The following SLC7A2 variants were observed in gnomAD, a reference collection of about 807,000 sequenced individuals.
The protein encoded by SLC7A2 is cationic amino acid transporter 2.
In SLC7A2, 48 loss-of-function variants were observed where a neutral mutation model predicts 58.9. The observed-to-expected ratio is 0.82, with a 90% CI of 0.65 to 1.04. The LOEUF (loss-of-function observed/expected upper bound fraction) is 1.04. Among genes scored for constraint, SLC7A2 ranks in the 50% least tolerant of loss-of-function variants. The probability of loss-of-function intolerance (pLI) is 0.00; values close to 1 mark genes in which losing one functional copy is unlikely to be tolerated. For synonymous variants in SLC7A2, 363 were observed against 314.5 expected (o/e 1.15, Z -1.63); for missense variants, 1,029 against 818.8 (o/e 1.26, Z -3.13).
chr8:17,507,064 C>G (rs1563433396), intron 2 of SLC7A2, among the ~76,000 whole-genome samples: 1 of 151,908 alleles, frequency 6.6e-6, no homozygotes, highest in Non-Finnish European at 1.5e-5. Flanking sequence ...CCTGCCTCAG[C>G]CTCCCAGGTA....
chr8:17,559,158 G>C (rs1212133306), intron 9 of SLC7A2, among the ~76,000 whole-genome samples: 1 of 152,172 alleles, frequency 6.6e-6, no homozygotes, highest in African/African-American at 2.4e-5. Flanking sequence ...AGGCTGCCAA[G>C]AAGGAGAAGA....
At chr8:17,554,960 T>C in intron 8 of SLC7A2, 9 of 1,614,086 alleles carry the variant, frequency 5.6e-6, no homozygotes, top group Non-Finnish European at 6.8e-6. Context: ...CTGGGCTCTA[T>C]GTTTCCTTTA....
intron 2 of SLC7A2, among the ~76,000 whole-genome samples, chr8:17,517,990 G>T (rs2150681740): frequency 6.6e-6 from 1 of 152,208 alleles, no homozygotes; most frequent in South Asian, 2.1e-4. Flanking sequence ...GTTTCATCAT[G>T]CAAAGATAGG....
rs1265046623 is a variant in SLC7A2 at position 17,565,962 on chromosome 8, A to G, written c.*816A>G. The G allele has an allele frequency of 2.0e-5, 3 of 152,340 alleles. No individual in the cohort carries two copies. The highest frequency in any genetic ancestry group is 3.9e-4 in the East Asian group (2 of 5,174). The allele number at this position is 152,340 out of a possible 1,614,324, so 9.4% of individuals were successfully genotyped here. ...AGGGACTTAAGAGAGGCACTGTGAT[A>G]TACTTGGGACCCTTTAAATTAAAAA... On this transcript the variant is annotated 3_prime_UTR_variant, in exon 13 of 13. Transcript: ENST00000494857.
intron 4 of SLC7A2, among the ~76,000 whole-genome samples, chr8:17,545,210 C>T (rs1253563396): frequency 6.6e-6 from 1 of 152,060 alleles, no homozygotes; most frequent in Non-Finnish European, 1.5e-5. Flanking sequence ...GCCACTCACT[C>T]TGCTTTAGAA....
intron 2 of SLC7A2, among the ~76,000 whole-genome samples, chr8:17,542,507 C>T (rs28615154): frequency 0.037 from 5,596 of 152,072 alleles, 159 homozygotes; most frequent in African/African-American, 0.072. Flanking sequence ...AGAAGTTACC[C>T]GAGCGTGGTG....
rs553948752 is a variant in SLC7A2, at chr8:17,545,974, A to G, written c.532+1368A>G. Among the ~76,000 whole-genome samples the G allele has an allele frequency of 5.3e-5, 8 of 152,354 alleles. No homozygotes were observed. In the East Asian group the frequency reaches 7.7e-4, roughly 15 times the overall value. On this transcript the variant is annotated intron_variant, in intron 4 of 12. Coordinates refer to ENST00000494857, the MANE Select transcript of SLC7A2 (RefSeq NM_001370338.1). ...GTGAGTCATTAATCAAATGTTTTAC[A>G]TACGGATAGGGATAAGAACATGAAC...
rs13259978 is a variant in SLC7A2, at chr8:17,538,906, G to C, written c.-22-4412G>C. On this transcript the variant is annotated intron_variant, in intron 2 of 12. Coordinates refer to ENST00000494857, the MANE Select transcript of SLC7A2 (RefSeq NM_001370338.1). ...TGGAACACCTGCCCCACCGGTTTGC[G>C]ACAGCAAGTTTCTCCTGTAAGATTT... 338,978 of 1,606,984 alleles carry C rather than the reference G, an allele frequency of 0.21. 37,478 individuals are homozygous for C. The highest frequency in any genetic ancestry group is 0.29 in the African/African-American group (21,614 of 74,824).
intron 1 of SLC7A2, among the ~76,000 whole-genome samples, chr8:17,499,717 T>TTAA (rs1800080748): frequency 6.6e-6 from 1 of 152,050 alleles, no homozygotes; most frequent in Non-Finnish European, 1.5e-5. Context: ...AAAAACTTAG[T>TTAA]TAACTAAGAT....
chr8:17,543,451 G>C lies in SLC7A2; in HGVS notation c.112G>C (p.Asp38His), dbSNP rs368582860. ...TKLCRCLSTM[D>H]LIALGVGSTL... The stretch of plus-strand genomic sequence containing the variant: ...ATTATGCCGCTGCTTATCCACCATG[G>C]ACCTCATTGCCCTGGGCGTTGGAAG... The change falls in exon 3 of 13, where the codon GAC (aspartate) becomes CAC (histidine). Residue 38 changes from aspartate to histidine, a missense_variant. By Grantham distance (81) the Asp-to-His change is moderately conservative (BLOSUM62 -1). Coordinates refer to ENST00000494857, the MANE Select transcript of SLC7A2 (RefSeq NM_001370338.1). The C allele has an allele frequency of 6.2e-7, 1 of 1,614,150 alleles. No individual in the cohort carries two copies. The highest frequency in any genetic ancestry group is 1.7e-5 in the Admixed American group (1 of 60,006).
At position 17,551,608 on chromosome 8, in the gene SLC7A2, A is replaced by T. The variant is rs116414633; in HGVS notation, c.833-156A>T. ...GCAAGACTCTGTCTCAAAAATAAGT[A>T]AAATAAAATGAAATAAAATAGATGG... On this transcript the variant is annotated intron_variant, in intron 6 of 12. Transcript: ENST00000494857. Among the ~76,000 whole-genome samples the T allele has an allele frequency of 5.6e-3, 852 of 152,278 alleles. 8 individuals carry two copies. Among genetic ancestry groups the T allele is most frequent in the African/African-American group, 0.02 (820 of 41,562 alleles).
intron 4 of SLC7A2, among the ~76,000 whole-genome samples, chr8:17,546,401 C>G (rs185587648): frequency 1.3e-5 from 2 of 152,276 alleles, no homozygotes; most frequent in African/African-American, 4.8e-5. Context: ...CTATTCATAT[C>G]GTAACACCAA....
intron 2 of SLC7A2, among the ~76,000 whole-genome samples, chr8:17,524,723 A>G (rs1331065009): frequency 6.6e-6 from 1 of 152,100 alleles, no homozygotes; most frequent in African/African-American, 2.4e-5. Flanking sequence ...TGCTCGGGTG[A>G]TGGGTGCACC....
chr8:17,504,876 G>T (rs1439278177), intron 2 of SLC7A2, among the ~76,000 whole-genome samples: 1 of 152,132 alleles, frequency 6.6e-6, no homozygotes, highest in African/African-American at 2.4e-5. Flanking sequence ...AAAGGCATTT[G>T]CATGAATGGT....
chr8:17,535,827 C>T (rs889771270), intron 2 of SLC7A2, among the ~76,000 whole-genome samples: 15 of 152,044 alleles, frequency 9.9e-5, no homozygotes, highest in Non-Finnish European at 2.1e-4. Flanking sequence ...CGCTTGAACC[C>T]GGGAGGCGGA....
chr8:17,498,525 C>G (rs1303680139), intron 1 of SLC7A2: 1 of 152,170 alleles, frequency 6.6e-6, no homozygotes, highest in African/African-American at 2.4e-5. Context: ...GAAATGATCT[C>G]TCAGTGCAGA....
At chr8:17,527,240 C>G (rs944682795) in intron 2 of SLC7A2, among the ~76,000 whole-genome samples, 1 of 151,968 alleles carries the variant, frequency 6.6e-6, no homozygotes, top group African/African-American at 2.4e-5. Context: ...CAAAATGGAA[C>G]CAAGAGGACC....
intron 2 of SLC7A2, among the ~76,000 whole-genome samples, chr8:17,508,629 T>C (rs1276468360): frequency 2.0e-5 from 3 of 152,016 alleles, no homozygotes; most frequent in African/African-American, 7.3e-5. Context: ...GAGGCTGCGG[T>C]ATGAGAATCA....
chr8:17,499,796 T>G (rs531643248), intron 1 of SLC7A2, among the ~76,000 whole-genome samples: 43 of 152,200 alleles, frequency 2.8e-4, no homozygotes, highest in Middle Eastern at 3.4e-3. Flanking sequence ...TTCTAAAACT[T>G]TAATCTGGAT....
Sources: allele counts gnomAD v4.1 joint callset (sites outside exome capture counted in the v4.1 genomes callset), GRCh38; gene constraint gnomAD v4.1.1; transcripts MANE v1.5; gene names NCBI Gene and HGNC (gene_info 2026-07-23, HGNC 2026-07-21).